The following ARHGAP25 variants were observed in gnomAD, a reference collection of about 807,000 sequenced individuals.
ARHGAP25 encodes the protein Rho GTPase activating protein 25.
Under a neutral mutation model 71.0 loss-of-function variants are expected in ARHGAP25, and 34 were observed. The observed-to-expected ratio is 0.48, with a 90% confidence interval of 0.36 to 0.64. ARHGAP25 has a LOEUF of 0.64. Among genes scored for constraint, ARHGAP25 ranks in the 30% least tolerant of loss-of-function variants. ARHGAP25 has a pLI of 0.00. For synonymous variants in ARHGAP25, 282 were observed against 296.5 expected (o/e 0.95, Z 0.50); for missense variants, 706 against 805.1 (o/e 0.88, Z 1.49).
intron 4 of ARHGAP25, among the ~76,000 whole-genome samples, chr2:68,805,406 G>T (rs905408899): frequency 1.3e-4 from 20 of 152,014 alleles, no homozygotes; most frequent in African/African-American, 4.6e-4. Context: ...GGAATACAGA[G>T]GCCACCTATT....
At chr2:68,752,191 T>G (rs76756626) in intron 1 of ARHGAP25, among the ~76,000 whole-genome samples, 6,083 of 152,236 alleles carry the variant, frequency 0.04, 390 homozygotes, top group African/African-American at 0.14. Flanking sequence ...TCTAAGGGAA[T>G]AAAGCTTGGG....
At chr2:68,766,888 C>A (rs753918505) in intron 1 of ARHGAP25, among the ~76,000 whole-genome samples, 2 of 152,134 alleles carry the variant, frequency 1.3e-5, no homozygotes, top group Non-Finnish European at 2.9e-5. Context: ...CCTCTTCCTG[C>A]AGAACACATA....
intron 4 of ARHGAP25, among the ~76,000 whole-genome samples, chr2:68,798,394 TAAC>T (rs894793546): frequency 2.0e-5 from 3 of 152,146 alleles, no homozygotes; most frequent in African/African-American, 7.2e-5. Flanking sequence ...CCTCAGCTCC[TAAC>T]AACAGACAGA....
upstream of ARHGAP25, among the ~76,000 whole-genome samples, chr2:68,733,370 G>A (rs76752641): frequency 3.2e-4 from 48 of 152,268 alleles, no homozygotes; most frequent in African/African-American, 1.1e-3. Flanking sequence ...ATCAACCAAG[G>A]GATTCGGGAG....
chr2:68,770,855 C>G (rs1677441920), intron 1 of ARHGAP25, among the ~76,000 whole-genome samples: 1 of 152,184 alleles, frequency 6.6e-6, no homozygotes, highest in Non-Finnish European at 1.5e-5. Flanking sequence ...GGCCCTCCAG[C>G]TTGATTTCTC....
intron 7 of ARHGAP25, 35 bp downstream of exon 7, chr2:68,816,397 A>C (rs1364640211): frequency 6.4e-7 from 1 of 1,553,108 alleles, no homozygotes; most frequent in Non-Finnish European, 8.9e-7. Flanking sequence ...TGCAGTTTTC[A>C]ACCCCATCAG....
intron 2 of ARHGAP25, among the ~76,000 whole-genome samples, chr2:68,776,056 C>T (rs1465319615): frequency 1.3e-5 from 2 of 152,130 alleles, no homozygotes; most frequent in Admixed American, 1.3e-4. Context: ...GGGGCCGAGA[C>T]TAAAGAGGAG....
At chr2:68,760,728 T>C (rs1053412157) in intron 1 of ARHGAP25, among the ~76,000 whole-genome samples, 3 of 152,012 alleles carry the variant, frequency 2.0e-5, no homozygotes, top group Admixed American at 6.6e-5. Context: ...CCAGGCTCCC[T>C]AGGTTGGAAG....
chr2:68,739,671 A>G (rs1675415798), intron 1 of ARHGAP25, among the ~76,000 whole-genome samples: 1 of 152,216 alleles, frequency 6.6e-6, no homozygotes. Flanking sequence ...ACTGGTGGCC[A>G]CAGCAATTGA....
intron 4 of ARHGAP25, among the ~76,000 whole-genome samples, chr2:68,803,963 C>G (rs760510836): frequency 6.6e-6 from 1 of 152,050 alleles, no homozygotes; most frequent in Non-Finnish European, 1.5e-5. Flanking sequence ...TGTGCATGGT[C>G]TTTTGTAGTT....
At chr2:68,807,793 C>T (rs918075928) in intron 5 of ARHGAP25, among the ~76,000 whole-genome samples, 5 of 152,130 alleles carry the variant, frequency 3.3e-5, no homozygotes, top group Admixed American at 2.6e-4. Flanking sequence ...TGGGACGTTG[C>T]CTGAGGCTCA....
rs1335056730 is a variant in ARHGAP25, at chr2:68,735,128, G to C, written c.-72G>C. 2 of 1,287,648 alleles carry C rather than the reference G, an allele frequency of 1.6e-6. No individual in the cohort carries two copies. Among genetic ancestry groups the C allele is most frequent in the Admixed American group, 1.7e-5 (1 of 59,478 alleles). 79.8% of individuals were successfully genotyped at this position (1,287,648 alleles called of 1,614,324 possible). ...AGACACAAAAACAGAGGGAAAGAGT[G>C]AAAAGACAAGAAGGGCGCAAACTGT... is the stretch of plus-strand genomic sequence containing the variant. On this transcript the variant is annotated 5_prime_UTR_variant, in exon 1 of 11. The change abolishes the stop of an existing upstream ORF in the 5' untranslated region. Coordinates refer to ENST00000409202, the MANE Select transcript of ARHGAP25 (RefSeq NM_001007231.3).
chr2:68,746,354 G>A (rs1675812065), intron 1 of ARHGAP25, among the ~76,000 whole-genome samples: 1 of 152,144 alleles, frequency 6.6e-6, no homozygotes, highest in African/African-American at 2.4e-5. Flanking sequence ...TTGGAAACAT[G>A]TATTTTAGAG....
At chr2:68,738,285 A>G (rs1675321735) in intron 1 of ARHGAP25, among the ~76,000 whole-genome samples, 1 of 152,196 alleles carries the variant, frequency 6.6e-6, no homozygotes, top group Non-Finnish European at 1.5e-5. Flanking sequence ...CCCAGGTTAC[A>G]GGGCTTTCTT....
Position 68,777,739 on chromosome 2 carries a change from T to C in ARHGAP25, c.261+2319T>C, listed in dbSNP as rs577401897. Among the ~76,000 whole-genome samples the C allele has an allele frequency of 2.6e-5, 4 of 152,130 alleles. 1 individual carries two copies. The South Asian group carries it at 8.3e-4, about 32-fold the overall frequency. ...ATTTCAGATATGAAAAATAGAAAAA[T>C]AAAACCTTTAGGAATACAATAATAA... On this transcript the variant is annotated intron_variant, in intron 2 of 10. Transcript: ENST00000409202.
At position 68,826,133 on chromosome 2, in the gene ARHGAP25, C is replaced by T. The variant is rs1042212316; in HGVS notation, c.1880C>T (p.Ala627Val). 6.2e-7 allele frequency: 1 copy of T among 1,613,938 alleles called. No homozygotes were observed. Among genetic ancestry groups the T allele is most frequent in the African/African-American group, 1.3e-5 (1 of 74,868 alleles). Residue 627 changes from alanine (A) to valine (V), a missense_variant, in exon 11 of 11, where the codon GCC becomes GTC. Transcript: ENST00000409202. ...SREDVEKRNK[A>V]LEEEVKEFVK... ...GAGGATGTTGAGAAGAGGAACAAGG[C>T]CTTGGAAGAAGAAGTCAAGGAATTT...
chr2:68,762,087 C>T (rs930690178), intron 1 of ARHGAP25, among the ~76,000 whole-genome samples: 19 of 152,140 alleles, frequency 1.2e-4, no homozygotes, highest in African/African-American at 4.3e-4. Flanking sequence ...GCTATAGCAC[C>T]GATGAATCTT....
intron 10 of ARHGAP25, among the ~76,000 whole-genome samples, chr2:68,824,014 C>T (rs1681905104): frequency 6.6e-6 from 1 of 152,212 alleles, no homozygotes; most frequent in South Asian, 2.1e-4. Flanking sequence ...ATGGCTACGT[C>T]TTAGTCCATG....
intron 8 of ARHGAP25, 72 bp from the exon 9 acceptor site, chr2:68,819,050 CG>C: frequency 7.5e-7 from 1 of 1,342,222 alleles, no homozygotes; most frequent in Non-Finnish European, 1.0e-6. Context: ...GAGACATCCA[CG>C]GGTGGGGATC....
Sources: allele counts gnomAD v4.1 joint callset (sites outside exome capture counted in the v4.1 genomes callset), GRCh38; gene constraint gnomAD v4.1.1; transcripts MANE v1.5; gene names NCBI Gene and HGNC (gene_info 2026-07-23, HGNC 2026-07-21).